The following GALNS variants were observed in gnomAD, a reference collection of about 807,000 sequenced individuals.
GALNS encodes N-acetylgalactosamine-6-sulfatase.
Under a neutral mutation model 65.9 loss-of-function variants are expected in GALNS, and 65 were observed. The ratio of observed to expected loss-of-function variants is 0.99; its 90% CI spans 0.81 to 1.21. The LOEUF is 1.21. Among genes scored for constraint, GALNS ranks in the 50% most tolerant of loss-of-function variants. GALNS has a pLI of 0.00. For missense variants in GALNS, 776 were observed against 700.7 expected (o/e 1.11, Z -1.21); for synonymous variants, 346 against 288.9 (o/e 1.20, Z -2.00).
At chr16:88,822,444 C>T in intron 12 of GALNS, 145 bp downstream of exon 12, 1 of 1,083,524 alleles carries the variant, frequency 9.2e-7, no homozygotes, top group South Asian at 1.3e-5. Flanking sequence ...GGCCACCAAG[C>T]ACGTGTGGGT....
intron 3 of GALNS, 147 bp from the exon 4 acceptor site, chr16:88,841,241 T>C (rs111305495): frequency 1.7e-5 from 12 of 709,954 alleles, no homozygotes; most frequent in African/African-American, 1.4e-4. Context: ...GGGCTGCGCG[T>C]CCACAGGGCA....
chr16:88,826,642 G>C, intron 10 of GALNS, 60 bp downstream of exon 10: 1 of 1,580,956 alleles, frequency 6.3e-7, no homozygotes, highest in Non-Finnish European at 8.6e-7. Flanking sequence ...CACCTGATTA[G>C]CAGCTCTGGG....
At chr16:88,824,232 T>G (rs1910559843) in intron 11 of GALNS, among the ~76,000 whole-genome samples, 1 of 151,468 alleles carries the variant, frequency 6.6e-6, no homozygotes, top group Non-Finnish European at 1.5e-5. Flanking sequence ...GAAAAGACCG[T>G]GGGGAGGGAG....
Position 88,817,991 on chromosome 16 carries a change from C to A in GALNS, c.1482+16G>T. On this transcript the variant is annotated intron_variant, in intron 13 of 13. Coordinates refer to ENST00000268695, the MANE Select transcript of GALNS (RefSeq NM_000512.5). ...GCCCCGGCAAAGAGACGGCCGCCCA[C>A]ACACCAGCCACTTACCATGACCGCC... is the stretch of plus-strand genomic sequence containing the variant. The A allele has an allele frequency of 1.3e-6, 2 of 1,563,524 alleles. No homozygotes were observed. Among genetic ancestry groups the A allele is most frequent in the Non-Finnish European group, 1.7e-6 (2 of 1,158,232 alleles).
intron 5 of GALNS, among the ~76,000 whole-genome samples, chr16:88,836,902 C>T (rs1005687904): frequency 4.6e-5 from 7 of 152,172 alleles, no homozygotes; most frequent in South Asian, 2.1e-4. Flanking sequence ...CCATGGGGCT[C>T]GTTCTGAAGC....
chr16:88,846,317 G>C (rs781731572), intron 1 of GALNS, among the ~76,000 whole-genome samples: 26 of 152,200 alleles, frequency 1.7e-4, no homozygotes, highest in Middle Eastern at 6.8e-3. Flanking sequence ...CCTTATAGGA[G>C]ACAGGGCGAA....
intron 9 of GALNS, among the ~76,000 whole-genome samples, chr16:88,827,469 G>A (rs920621608): frequency 2.0e-5 from 3 of 152,104 alleles, no homozygotes; most frequent in Admixed American, 2.0e-4. Flanking sequence ...TTTTTGAGAT[G>A]GAGTTTTGTT....
chr16:88,836,326 C>G, intron 5 of GALNS, 59 bp from the exon 6 acceptor site: 1 of 1,380,218 alleles, frequency 7.2e-7, no homozygotes, highest in East Asian at 2.3e-5. Flanking sequence ...GTCCCGTTCT[C>G]CCTGATTTCA....
rs575833567 is a variant in GALNS, at chr16:88,827,899, G to A, written c.1003-1061C>T. On this transcript the variant is annotated intron_variant, in intron 9 of 13. Coordinates refer to ENST00000268695, the MANE Select transcript of GALNS (RefSeq NM_000512.5). The stretch of plus-strand genomic sequence containing the variant: ...GGCCCTGGAGCTCCCACCCAGTGTC[G>A]ACAGCCCTCCCCACGGTCCAGGGGC... Among the ~76,000 whole-genome samples the A allele has an allele frequency of 1.8e-4, 27 of 152,296 alleles. 1 individual carries two copies. The South Asian group carries it at 3.7e-3, about 21-fold the overall frequency.
intron 12 of GALNS, among the ~76,000 whole-genome samples, chr16:88,819,948 T>A (rs1489097144): frequency 6.6e-6 from 1 of 152,070 alleles, no homozygotes; most frequent in Non-Finnish European, 1.5e-5. Flanking sequence ...TGCCTCGGCC[T>A]CCCAAAGTGC....
intron 9 of GALNS, among the ~76,000 whole-genome samples, chr16:88,828,579 G>T (rs185485004): frequency 1.3e-5 from 2 of 152,354 alleles, no homozygotes; most frequent in Admixed American, 1.3e-4. Flanking sequence ...ATTTCACTTT[G>T]TGGCCCACGG....
intron 5 of GALNS, among the ~76,000 whole-genome samples, chr16:88,836,824 C>T (rs1414849659): frequency 3.9e-5 from 6 of 152,180 alleles, no homozygotes; most frequent in African/African-American, 1.2e-4. Context: ...GCTGAGGGCA[C>T]GACACCAAGG....
At chr16:88,848,248 C>T (rs1026763165) in intron 1 of GALNS, among the ~76,000 whole-genome samples, 2 of 152,174 alleles carry the variant, frequency 1.3e-5, no homozygotes, top group African/African-American at 4.8e-5. Flanking sequence ...GATGATGTGA[C>T]GATGTGTGGT....
intron 11 of GALNS, 132 bp downstream of exon 11, chr16:88,824,635 G>A: frequency 2.6e-6 from 2 of 755,152 alleles, no homozygotes; most frequent in Non-Finnish European, 4.6e-6. Flanking sequence ...GGGCCACACA[G>A]AGAAGGCTGT....
At position 88,823,902 on chromosome 16, in the gene GALNS, G is replaced by A. The variant is rs114748212; in HGVS notation, c.1242+865C>T. ...CCCAGGATGGCCCTTGCAGGTGACA[G>A]TGCTGGGTAAAACCCGAAAGAAGAG... On this transcript the variant is annotated intron_variant, in intron 11 of 13. Transcript: ENST00000268695. Among the ~76,000 whole-genome samples the A allele has an allele frequency of 3.5e-3, 528 of 151,672 alleles. 10 individuals are homozygous for A. The highest frequency in any genetic ancestry group is 0.012 in the African/African-American group (512 of 40,966).
chr16:88,846,923 G>A lies in GALNS; in HGVS notation c.121-4094C>T, dbSNP rs181153797. The stretch of plus-strand genomic sequence containing the variant: ...GATGGGTGAGATGGGGGTGTGGCCA[G>A]GGGGTTACTGAGAAGCCCACTTAGT... On this transcript the variant is annotated intron_variant, in intron 1 of 13. Transcript: ENST00000268695. Among the ~76,000 whole-genome samples the A allele has an allele frequency of 2.6e-4, 40 of 152,234 alleles. No individual in the cohort carries two copies. The East Asian group carries it at 7.4e-3, about 28-fold the overall frequency.
rs763283087 is a variant in GALNS, at chr16:88,835,848, T to G, written c.635A>C (p.Glu212Ala). The G allele has an allele frequency of 2.5e-6, 4 of 1,614,040 alleles. No individual in the cohort carries two copies. The highest frequency in any genetic ancestry group is 2.5e-6 in the Non-Finnish European group (3 of 1,180,012). The change falls in exon 7 of 14, where the codon GAA becomes GCA. Residue 212 changes from glutamate (E) to alanine (A), a missense_variant and splice_region_variant. Glu to Ala is a moderately radical substitution (Grantham distance 107). Coordinates refer to ENST00000268695, the MANE Select transcript of GALNS (RefSeq NM_000512.5). Reference sequence around the variant, plus strand: ...CTGTCTCTTAATGAAGTCCAGGGCTTCCTATGGAGAGAGCCACACCGTCGT... The same window carrying G: ...CTGTCTCTTAATGAAGTCCAGGGCTGCCTATGGAGAGAGCCACACCGTCGT... ...EANLTQIYLQEALDFIKRQAR... is the reference protein window; with the variant it reads ...EANLTQIYLQAALDFIKRQAR...
intron 1 of GALNS, 175 bp from the exon 2 acceptor site, chr16:88,843,004 T>C (rs765794175): frequency 2.7e-6 from 4 of 1,509,088 alleles, no homozygotes; most frequent in South Asian, 1.2e-5. Flanking sequence ...GCGTGCACGA[T>C]GGGGCCGCTC....
chr16:88,856,522 C>T (rs1967899649), intron 1 of GALNS: 1 of 697,604 alleles, frequency 1.4e-6, no homozygotes, highest in Non-Finnish European at 2.6e-6. Context: ...ACCGCCGAGA[C>T]CCCACGCCTG....
Sources: allele counts gnomAD v4.1 joint callset (sites outside exome capture counted in the v4.1 genomes callset), GRCh38; gene constraint gnomAD v4.1.1; transcripts MANE v1.5; gene names NCBI Gene and HGNC (gene_info 2026-07-23, HGNC 2026-07-21).